The following NKIRAS1 variants were observed in gnomAD, a reference collection of about 807,000 sequenced individuals.
The protein encoded by NKIRAS1 is NF-kappa-B inhibitor-interacting Ras-like protein 1.
In NKIRAS1, 16 loss-of-function variants were observed where a neutral mutation model predicts 19.8. That is an observed-to-expected ratio of 0.81 (90% CI 0.55 to 1.23). NKIRAS1 has a LOEUF of 1.23. Among genes scored for constraint, NKIRAS1 ranks in the 50% most tolerant of loss-of-function variants. The pLI is 0.00. For synonymous variants in NKIRAS1, 88 were observed against 79.0 expected (o/e 1.11, Z -0.61); for missense variants, 184 against 220.0 (o/e 0.84, Z 1.04).
At chr3:23,921,540 T>C, upstream of NKIRAS1, 1 of 683,518 alleles carries the variant, frequency 1.5e-6, no homozygotes, top group South Asian at 1.6e-5. Flanking sequence ...TATATTGGCA[T>C]GTAATTCACA....
At chr3:23,944,886 C>G (rs1705590236) in intron 1 of NKIRAS1, among the ~76,000 whole-genome samples, 1 of 151,930 alleles carries the variant, frequency 6.6e-6, no homozygotes, top group African/African-American at 2.4e-5. Context: ...AACCAGCCGG[C>G]CCAGCCGGGG....
chr3:23,946,383 T>C, exon 1 of NKIRAS1: 1 of 812,562 alleles, frequency 1.2e-6, no homozygotes, highest in South Asian at 5.6e-5. Flanking sequence ...AGGAGGCGCC[T>C]CGGGGAAGGC....
chr3:23,946,169 C>A (rs1427095518), intron 1 of NKIRAS1: 1 of 985,118 alleles, frequency 1.0e-6, no homozygotes, highest in African/African-American at 1.7e-5. Context: ...CGCGCGTGCG[C>A]GCCCGCTGAG....
chr3:23,897,043 CAA>C (rs568836607), intron 4 of NKIRAS1, among the ~76,000 whole-genome samples: 1 of 151,334 alleles, frequency 6.6e-6, no homozygotes, highest in African/African-American at 2.4e-5. Flanking sequence ...CTTGTCTTTG[CAA>C]AAAAATAAAA....
chr3:23,917,727 G>C, upstream of NKIRAS1: 1 of 977,680 alleles, frequency 1.0e-6, no homozygotes, highest in Non-Finnish European at 1.5e-6. Context: ...CCCGGCAGTT[G>C]GTGCAGAGCC....
At chr3:23,919,099 G>A, upstream of NKIRAS1, 1 of 799,138 alleles carries the variant, frequency 1.3e-6, no homozygotes, top group East Asian at 2.4e-5. Flanking sequence ...AAAGACTCTT[G>A]TCTGGTGGTG....
Position 23,892,856 on chromosome 3 carries a change from T to C in NKIRAS1, c.*239A>G. The C allele has an allele frequency of 3.2e-6, 1 of 310,014 alleles. No homozygotes were observed. The highest frequency in any genetic ancestry group is 5.8e-6 in the Non-Finnish European group (1 of 171,204). 19.2% of individuals were successfully genotyped at this position (310,014 alleles called of 1,614,324 possible). A position where few individuals can be genotyped will look rare whatever the true frequency, so the allele number is the denominator to read the frequency against. ...AGTACAACATAAATAACAAAGGTGC[T>C]AATTTCAAAGACAGGTTTCAAACAA... On this transcript the variant is annotated 3_prime_UTR_variant, in exon 5 of 5. Transcript: ENST00000425478.
At chr3:23,901,292 C>T (rs567883880) in intron 3 of NKIRAS1, among the ~76,000 whole-genome samples, 2 of 151,970 alleles carry the variant, frequency 1.3e-5, no homozygotes, top group East Asian at 3.9e-4. Flanking sequence ...GATCCTCCCA[C>T]CTCAGCCTCC....
intron 4 of NKIRAS1, among the ~76,000 whole-genome samples, chr3:23,900,513 T>C (rs2125376727): frequency 6.6e-6 from 1 of 152,016 alleles, no homozygotes; most frequent in South Asian, 2.1e-4. Context: ...CACACTCCTG[T>C]ATTCCCAGCT....
intron 3 of NKIRAS1, 54 bp from the exon 4 acceptor site, chr3:23,901,103 C>G: frequency 6.3e-7 from 1 of 1,579,190 alleles, no homozygotes; most frequent in Admixed American, 1.8e-5. Context: ...TCAACTGCTC[C>G]GTATTTTCTT....
At position 23,892,404 on chromosome 3, in the gene NKIRAS1, G is replaced by A. The variant is rs949519219; in HGVS notation, c.*691C>T. ...TTAAGTGCCTAATCATTTTCAAGAG[G>A]AGGAGCAAACAGTTTGCCCTCAAGT... On this transcript the variant is annotated 3_prime_UTR_variant, in exon 5 of 5. Transcript: ENST00000425478. The A allele has an allele frequency of 7.2e-5, 11 of 152,168 alleles. No individual in the cohort carries two copies. Among genetic ancestry groups the A allele is most frequent in the African/African-American group, 2.4e-4 (10 of 41,428 alleles). The allele number at this position is 152,168 out of a possible 1,614,324, so 9.4% of individuals were successfully genotyped here. A position where few individuals can be genotyped will look rare whatever the true frequency, so the allele number is the denominator to read the frequency against.
In NKIRAS1 at chr3:23,890,657, CT is replaced by C; in HGVS notation, c.*2437del. 2 of 1,339,884 alleles carry C rather than the reference CT, an allele frequency of 1.5e-6. No individual in the cohort carries two copies. The highest frequency in any genetic ancestry group is 2.1e-6 in the Non-Finnish European group (2 of 954,782). 83.0% of individuals were successfully genotyped at this position (1,339,884 alleles called of 1,614,324 possible). A position where few individuals can be genotyped will look rare whatever the true frequency, so the allele number is the denominator to read the frequency against. ...ATTTGTCTGTCACAGAAGAGAGCTG[CT>C]TATGATTTTGAAGGGGTCAGGGAGG... On this transcript the variant is annotated 3_prime_UTR_variant, in exon 5 of 5. Transcript: ENST00000425478.
chr3:23,934,779 T>G (rs1171481969), intron 1 of NKIRAS1, among the ~76,000 whole-genome samples: 5 of 152,110 alleles, frequency 3.3e-5, no homozygotes, highest in African/African-American at 7.2e-5. Flanking sequence ...AATAAAGCCT[T>G]TTTCAGAGGT....
chr3:23,915,348 G>A (rs940981756), intron 1 of NKIRAS1, among the ~76,000 whole-genome samples: 5 of 152,142 alleles, frequency 3.3e-5, no homozygotes, highest in African/African-American at 1.2e-4. Flanking sequence ...ACCTCCAGAA[G>A]GAACACAGCC....
At chr3:23,917,593 G>A (rs1273409302), upstream of NKIRAS1, 3 of 362,984 alleles carry the variant, frequency 8.3e-6, no homozygotes, top group Non-Finnish European at 1.5e-5. Flanking sequence ...CGCCCCCTTG[G>A]TGCTCAGTTC....
chr3:23,928,291 AAAATAAATAAAT>A (rs71622762), intron 1 of NKIRAS1, among the ~76,000 whole-genome samples: 27,126 of 144,624 alleles, frequency 0.19, 2,558 homozygotes, highest in Non-Finnish European at 0.21. Flanking sequence ...CTCTGTCTCA[AAAATAAATAAAT>A]AAATAAATAA....
At chr3:23,928,469 GTACAGAAAAA>G (rs1238671053) in intron 1 of NKIRAS1, among the ~76,000 whole-genome samples, 1 of 151,622 alleles carries the variant, frequency 6.6e-6, no homozygotes, top group Non-Finnish European at 1.5e-5. Flanking sequence ...TGTTTGGCTT[GTACAGAAAAA>G]TAAAGATCCT....
chr3:23,925,934 G>A (rs1705204277), intron 1 of NKIRAS1, among the ~76,000 whole-genome samples: 1 of 152,210 alleles, frequency 6.6e-6, no homozygotes, highest in Non-Finnish European at 1.5e-5. Context: ...AGTCATATTA[G>A]TTACATTTCA....
chr3:23,898,647 T>C (rs1161799899), intron 4 of NKIRAS1, among the ~76,000 whole-genome samples: 1 of 152,066 alleles, frequency 6.6e-6, no homozygotes, highest in Admixed American at 6.5e-5. Context: ...GGTTCCACCA[T>C]GTTGGTCAAG....
Sources: gnomAD v4.1 joint callset for allele counts (sites outside exome capture counted in the v4.1 genomes callset) on GRCh38, gnomAD v4.1.1 for gene constraint, MANE v1.5 for transcripts, NCBI Gene and HGNC (gene_info 2026-07-23, HGNC 2026-07-21) for gene names.